SMPD3: variants seen among roughly 807,000 people sequenced by gnomAD.
SMPD3 encodes nSMase-2.
A neutral mutation model predicts 55.7 loss-of-function variants in SMPD3; 21 were observed. That is an observed-to-expected ratio of 0.38 (90% CI 0.27 to 0.54). SMPD3 has a LOEUF of 0.54. Among genes scored for constraint, SMPD3 ranks in the 20% least tolerant of loss-of-function variants. The probability of loss-of-function intolerance (pLI) is 0.80; values close to 1 mark genes in which losing one functional copy is unlikely to be tolerated. For synonymous variants in SMPD3, 457 were observed against 404.3 expected, an observed-to-expected ratio of 1.13 and a Z score of -1.56; for missense variants, 842 against 899.6, an observed-to-expected ratio of 0.94 and a Z score of 0.82.
chr16:68,361,134 G>C lies in SMPD3; in HGVS notation c.*72C>G. 7.1e-7 allele frequency: 1 copy of C among 1,414,882 alleles called. No individual in the cohort carries two copies. Among genetic ancestry groups the C allele is most frequent in the Non-Finnish European group, 9.8e-7 (1 of 1,018,522 alleles). The allele number at this position is 1,414,882 out of a possible 1,614,324, so 87.6% of individuals were successfully genotyped here. A position where few individuals can be genotyped will look rare whatever the true frequency, so the allele number is the denominator to read the frequency against. On this transcript the variant is annotated 3_prime_UTR_variant, in exon 9 of 9. Coordinates refer to ENST00000219334, the MANE Select transcript of SMPD3 (RefSeq NM_018667.4). ...CTCCTCCCCCAAGCACCGGGCACTC[G>C]ATGGAGGGGACATGGCCCAGGGATG...
intron 1 of SMPD3, among the ~76,000 whole-genome samples, chr16:68,431,522 G>A (rs764467608): frequency 6.6e-6 from 1 of 152,070 alleles, no homozygotes; most frequent in African/African-American, 2.4e-5. Context: ...AATGTGCATG[G>A]GGCAGGAGTG....
intron 1 of SMPD3, among the ~76,000 whole-genome samples, chr16:68,448,113 TG>T (rs1324188244): frequency 6.6e-6 from 1 of 151,454 alleles, no homozygotes; most frequent in African/African-American, 2.4e-5. Context: ...AGATGGGGGG[TG>T]GGGGTGACCC....
intron 1 of SMPD3, among the ~76,000 whole-genome samples, chr16:68,440,415 G>A (rs1455200337): frequency 6.6e-6 from 1 of 152,118 alleles, no homozygotes; most frequent in Admixed American, 6.5e-5. Context: ...TGCCCAGGCT[G>A]GTCTTGAACT....
chr16:68,379,848 C>T (rs779828829), intron 2 of SMPD3, among the ~76,000 whole-genome samples: 13 of 152,240 alleles, frequency 8.5e-5, no homozygotes, highest in Non-Finnish European at 1.6e-4. Context: ...ATTTCCCTGG[C>T]GAAGTCAGAA....
intron 3 of SMPD3, 93 bp downstream of exon 3, chr16:68,370,766 A>T: frequency 2.6e-6 from 4 of 1,510,588 alleles, no homozygotes; most frequent in Non-Finnish European, 3.6e-6. Flanking sequence ...TCCAGCCCCC[A>T]TGACGATGAG....
chr16:68,413,071 G>A (rs918853839), intron 1 of SMPD3, among the ~76,000 whole-genome samples: 6 of 152,306 alleles, frequency 3.9e-5, no homozygotes, highest in African/African-American at 9.6e-5. Context: ...CACCCTTGGC[G>A]TGGCTCAAGT....
chr16:68,415,959 T>C (rs896965161), intron 1 of SMPD3, among the ~76,000 whole-genome samples: 2 of 152,198 alleles, frequency 1.3e-5, no homozygotes, highest in African/African-American at 4.8e-5. Flanking sequence ...CCTGATTTAG[T>C]ATTAAAGCTC....
At chr16:68,372,702 A>C (rs960197798) in intron 2 of SMPD3, among the ~76,000 whole-genome samples, 2 of 152,210 alleles carry the variant, frequency 1.3e-5, no homozygotes, top group Non-Finnish European at 2.9e-5. Flanking sequence ...TTGTGGGTGC[A>C]AAGGGAGCAG....
At position 68,371,136 on chromosome 16, in the gene SMPD3, A is replaced by G; in HGVS notation, c.1046T>C (p.Val349Ala). ...RHPDEAFDHE[V>A]SAFFPANLDF... ...CAGGTTGGCGGGGAAGAAGGCGGAG[A>G]CCTCATGGTCGAAGGCCTCGTCGGG... Residue 349 changes from valine (V) to alanine (A), a missense_variant, in exon 3 of 9, where the codon GTC becomes GCC. Val to Ala is a moderately conservative substitution (Grantham distance 64). Transcript: ENST00000219334. 6.2e-7 allele frequency: 1 copy of G among 1,613,710 alleles called. No individual in the cohort carries two copies. The highest frequency in any genetic ancestry group is 8.5e-7 in the Non-Finnish European group (1 of 1,179,994).
intron 1 of SMPD3, among the ~76,000 whole-genome samples, chr16:68,422,557 G>C (rs1386239100): frequency 6.6e-6 from 1 of 152,316 alleles, no homozygotes; most frequent in East Asian, 1.9e-4. Flanking sequence ...GCTGCTTGGA[G>C]GCCTCCAGTC....
At chr16:68,373,762 G>A in intron 2 of SMPD3, among the ~76,000 whole-genome samples, 1 of 152,148 alleles carries the variant, frequency 6.6e-6, no homozygotes, top group Non-Finnish European at 1.5e-5. Flanking sequence ...TGTCACAGCT[G>A]CCTCACACCT....
intron 2 of SMPD3, among the ~76,000 whole-genome samples, chr16:68,373,406 G>C (rs547197394): frequency 6.6e-6 from 1 of 152,216 alleles, no homozygotes; most frequent in Non-Finnish European, 1.5e-5. Context: ...TGATCACCCC[G>C]TCGGGGAGCC....
intron 1 of SMPD3, among the ~76,000 whole-genome samples, chr16:68,395,601 G>C (rs537192725): frequency 1.6e-4 from 25 of 152,324 alleles, no homozygotes; most frequent in Non-Finnish European, 3.2e-4. Flanking sequence ...GCTCAGGCCT[G>C]TGGCCGCCCT....
chr16:68,386,929 G>A (rs1045412531), intron 1 of SMPD3, among the ~76,000 whole-genome samples: 1 of 152,198 alleles, frequency 6.6e-6, no homozygotes, highest in Non-Finnish European at 1.5e-5. Context: ...AGGACTCTGA[G>A]GGTGGGATGG....
chr16:68,414,133 C>A (rs1290132348), intron 1 of SMPD3, among the ~76,000 whole-genome samples: 3 of 152,206 alleles, frequency 2.0e-5, no homozygotes, highest in Admixed American at 1.3e-4. Context: ...TGAGTATAGG[C>A]TTGGGTGACC....
intron 1 of SMPD3, among the ~76,000 whole-genome samples, chr16:68,414,940 G>T (rs1208257227): frequency 6.6e-6 from 1 of 152,132 alleles, no homozygotes; most frequent in Non-Finnish European, 1.5e-5. Flanking sequence ...GCCTAGCAGG[G>T]GGTCTTTCAG....
Position 68,432,999 on chromosome 16 carries a change from T to C in SMPD3, c.-269+15354A>G, listed in dbSNP as rs550213577. 7.3e-4 allele frequency among the ~76,000 whole-genome samples: 111 copies of C among 152,238 alleles called. 1 individual carries two copies. The South Asian group carries it at 0.014, about 20-fold the overall frequency. ...TTTTGGTTCTGGTGGAGATGAGGTC[T>C]CACTATGTTGCCCAGGTTGGTCTTG... On this transcript the variant is annotated intron_variant, in intron 1 of 8. Coordinates refer to ENST00000219334, the MANE Select transcript of SMPD3 (RefSeq NM_018667.4).
chr16:68,443,094 A>G (rs574917047), intron 1 of SMPD3, among the ~76,000 whole-genome samples: 16 of 152,302 alleles, frequency 1.1e-4, no homozygotes, highest in Non-Finnish European at 2.1e-4. Context: ...TAGACATCCA[A>G]ATCGAATGGG....
At chr16:68,398,727 A>C (rs937335289) in intron 1 of SMPD3, among the ~76,000 whole-genome samples, 9 of 152,240 alleles carry the variant, frequency 5.9e-5, no homozygotes, top group African/African-American at 2.2e-4. Context: ...ATGCTCTTAA[A>C]ATAGAATCTC....
Sources: allele counts gnomAD v4.1 joint callset (sites outside exome capture counted in the v4.1 genomes callset), GRCh38; gene constraint gnomAD v4.1.1; transcripts MANE v1.5; gene names NCBI Gene and HGNC (gene_info 2026-07-23, HGNC 2026-07-21).